The following SEMA3A variants were observed in gnomAD, a reference collection of about 807,000 sequenced individuals.
The protein encoded by SEMA3A is semaphorin-3A.
Under a neutral mutation model 97.9 loss-of-function variants are expected in SEMA3A, and 29 were observed. The ratio of observed to expected loss-of-function variants is 0.30; its 90% confidence interval spans 0.22 to 0.40. The LOEUF (loss-of-function observed/expected upper bound fraction) is 0.40. Among genes scored for constraint, SEMA3A ranks in the 10% least tolerant of loss-of-function variants. The pLI is 1.00. For synonymous variants in SEMA3A, 321 were observed against 323.7 expected, an observed-to-expected ratio of 0.99 and a Z score of 0.09; for missense variants, 763 against 951.3, an observed-to-expected ratio of 0.80 and a Z score of 2.60.
intron 6 of SEMA3A, among the ~76,000 whole-genome samples, chr7:84,016,517 G>A (rs1201198139): frequency 1.4e-5 from 2 of 147,132 alleles, no homozygotes; most frequent in Non-Finnish European, 3.0e-5. Flanking sequence ...CAGCCTGGGC[G>A]ACAGAGCGAG....
chr7:84,049,614 G>C (rs1000521226), intron 5 of SEMA3A, among the ~76,000 whole-genome samples: 2 of 152,038 alleles, frequency 1.3e-5, no homozygotes, highest in East Asian at 3.9e-4. Context: ...TTGGAGAATA[G>C]ATATATTTTT....
At chr7:84,447,626 T>C (rs1020681074) in intron 1 of SEMA3A, among the ~76,000 whole-genome samples, 1 of 152,186 alleles carries the variant, frequency 6.6e-6, no homozygotes, top group Admixed American at 6.5e-5. Flanking sequence ...GGAAAGGAGC[T>C]ACCCACTTCG....
intron 4 of SEMA3A, among the ~76,000 whole-genome samples, chr7:84,107,502 C>A (rs2115927392): frequency 6.6e-6 from 1 of 152,250 alleles, no homozygotes; most frequent in East Asian, 1.9e-4. Context: ...AAATCAAAAT[C>A]ACTGAGCTTC....
intron 5 of SEMA3A, among the ~76,000 whole-genome samples, chr7:84,053,946 G>A (rs1436641403): frequency 6.7e-6 from 1 of 148,162 alleles, no homozygotes; most frequent in Non-Finnish European, 1.5e-5. Context: ...TGTCTGTAAA[G>A]TATTTTATTT....
At chr7:84,321,279 C>T (rs1477478018) in intron 2 of SEMA3A, among the ~76,000 whole-genome samples, 1 of 152,102 alleles carries the variant, frequency 6.6e-6, no homozygotes, top group Non-Finnish European at 1.5e-5. Flanking sequence ...ATGAAAATTG[C>T]TCTTTATTGT....
chr7:84,010,471 T>G (rs1207630061), intron 9 of SEMA3A, among the ~76,000 whole-genome samples: 1 of 152,146 alleles, frequency 6.6e-6, no homozygotes, highest in African/African-American at 2.4e-5. Context: ...AACCATGGAC[T>G]GTTTTGACAT....
intron 4 of SEMA3A, among the ~76,000 whole-genome samples, chr7:84,098,070 T>C (rs955476857): frequency 6.6e-6 from 1 of 152,054 alleles, no homozygotes; most frequent in Non-Finnish European, 1.5e-5. Flanking sequence ...TATGACCATC[T>C]TCTGATATTT....
chr7:84,403,573 A>C (rs1259056847), intron 1 of SEMA3A, among the ~76,000 whole-genome samples: 9 of 152,174 alleles, frequency 5.9e-5, no homozygotes, highest in Non-Finnish European at 1.0e-4. Context: ...GCAGCTTGAG[A>C]TCTGAGAACG....
At chr7:84,298,016 G>A (rs148695439) in intron 3 of SEMA3A, among the ~76,000 whole-genome samples, 5 of 152,158 alleles carry the variant, frequency 3.3e-5, no homozygotes, top group Admixed American at 2.0e-4. Flanking sequence ...AAACTTCTTA[G>A]CATGTATTAA....
chr7:84,267,569 C>T (rs1036363624), intron 3 of SEMA3A, among the ~76,000 whole-genome samples: 1 of 151,830 alleles, frequency 6.6e-6, no homozygotes, highest in Non-Finnish European at 1.5e-5. Context: ...CACATGTAGG[C>T]CTATACTTGA....
chr7:84,449,943 A>T (rs754214617), intron 1 of SEMA3A, among the ~76,000 whole-genome samples: 18 of 152,192 alleles, frequency 1.2e-4, no homozygotes, highest in Non-Finnish European at 2.5e-4. Context: ...TTAATATTTC[A>T]TTGCATCTAT....
chr7:84,400,457 A>C (rs1311993028), intron 1 of SEMA3A, among the ~76,000 whole-genome samples: 2 of 152,188 alleles, frequency 1.3e-5, no homozygotes, highest in Non-Finnish European at 2.9e-5. Context: ...AATTTTAAAA[A>C]TCAAACAAAT....
At chr7:84,365,836 T>C (rs1480887823) in intron 2 of SEMA3A, among the ~76,000 whole-genome samples, 1 of 151,386 alleles carries the variant, frequency 6.6e-6, no homozygotes, top group Non-Finnish European at 1.5e-5. Context: ...TTCTAAGAGA[T>C]TGTGAATAGA....
At chr7:84,259,939 G>C (rs1799808525) in intron 3 of SEMA3A, among the ~76,000 whole-genome samples, 1 of 152,126 alleles carries the variant, frequency 6.6e-6, no homozygotes, top group Non-Finnish European at 1.5e-5. Flanking sequence ...CTAGAGCACA[G>C]CTCATTGTAG....
chr7:84,222,498 A>C (rs1440127075), intron 3 of SEMA3A, among the ~76,000 whole-genome samples: 1 of 151,904 alleles, frequency 6.6e-6, no homozygotes, highest in African/African-American at 2.4e-5. Flanking sequence ...ACAACATTTA[A>C]AATTTCATAT....
chr7:84,135,701 T>C (rs905151378), intron 1 of SEMA3A, among the ~76,000 whole-genome samples: 6 of 152,076 alleles, frequency 3.9e-5, no homozygotes, highest in African/African-American at 1.4e-4. Flanking sequence ...ACCTCTTAGG[T>C]TCCTTGAGGC....
intron 1 of SEMA3A, among the ~76,000 whole-genome samples, chr7:84,392,187 C>T (rs1803598551): frequency 6.6e-6 from 1 of 151,894 alleles, no homozygotes; most frequent in Admixed American, 6.6e-5. Flanking sequence ...TGTAATAGAC[C>T]TAAAACAAAC....
At chr7:84,443,024 G>A (rs367670742) in intron 1 of SEMA3A, among the ~76,000 whole-genome samples, 233 of 152,136 alleles carry the variant, frequency 1.5e-3, no homozygotes, top group Middle Eastern at 6.8e-3. Context: ...GATAATTGTT[G>A]AAGACTTCAA....
At position 84,251,627 on chromosome 7, in the gene SEMA3A, C is replaced by T. The variant is rs77439503; in HGVS notation, c.-83+55580G>A. ...GAAACCAAGCTACACAGTTAGTGAC[C>T]GCCCTAGCACTCTTTACATAAAACT... is the stretch of plus-strand genomic sequence containing the variant. On this transcript the variant is annotated intron_variant, in intron 3 of 3. Transcript: ENST00000424555. Among the ~76,000 whole-genome samples, 657 of 152,252 alleles carry T rather than the reference C, an allele frequency of 4.3e-3. 4 individuals are homozygous for T. Among genetic ancestry groups the T allele is most frequent in the African/African-American group, 0.014 (600 of 41,558 alleles).
Sources: allele counts gnomAD v4.1 joint callset (sites outside exome capture counted in the v4.1 genomes callset), GRCh38; gene constraint gnomAD v4.1.1; transcripts MANE v1.5; gene names NCBI Gene and HGNC (gene_info 2026-07-23, HGNC 2026-07-21).